Variants in POU2F1 observed in about 807,000 individuals in gnomAD.
POU2F1 encodes the protein POU class 2 homeobox 1, also known as POU domain, class 2, transcription factor 1.
A neutral mutation model predicts 84.9 loss-of-function variants in POU2F1; 16 were observed. The ratio of observed to expected loss-of-function variants is 0.19; its 90% CI spans 0.13 to 0.29. POU2F1 has a LOEUF of 0.29. Ranked by LOEUF, POU2F1 falls within the 10% of genes least tolerant of loss-of-function variation. The pLI is 1.00. For synonymous variants in POU2F1, 368 were observed against 368.3 expected (o/e 1.00, Z 0.01); for missense variants, 738 against 942.6 (o/e 0.78, Z 2.84).
At chr1:167,397,791 C>T (rs946576399) in intron 10 of POU2F1, among the ~76,000 whole-genome samples, 14 of 152,064 alleles carry the variant, frequency 9.2e-5, no homozygotes, top group African/African-American at 2.7e-4. Context: ...GTGATCCTCC[C>T]GCCTCAGCCT....
chr1:167,341,528 C>G (rs927500074), intron 2 of POU2F1, among the ~76,000 whole-genome samples: 1 of 152,086 alleles, frequency 6.6e-6, no homozygotes, highest in Non-Finnish European at 1.5e-5. Flanking sequence ...GCAGGACATG[C>G]GACAGGGAGT....
chr1:167,381,790 A>G (rs1344760954), intron 7 of POU2F1, among the ~76,000 whole-genome samples: 1 of 151,318 alleles, frequency 6.6e-6, no homozygotes, highest in East Asian at 2.0e-4. Flanking sequence ...TTGTATTTTT[A>G]GTAGAGATGG....
At chr1:167,358,151 G>A (rs112091337) in intron 2 of POU2F1, among the ~76,000 whole-genome samples, 6,791 of 115,136 alleles carry the variant, frequency 0.059, 620 homozygotes, top group African/African-American at 0.22. Flanking sequence ...TTTTTGAGAC[G>A]GTGTTTCGCT....
At chr1:167,399,389 C>A in intron 12 of POU2F1, 24 bp downstream of exon 12, 1 of 1,581,866 alleles carries the variant, frequency 6.3e-7, no homozygotes, top group Non-Finnish European at 8.6e-7. Context: ...ATAGGGAGTG[C>A]AAGCTCAAGG....
intron 6 of POU2F1, among the ~76,000 whole-genome samples, chr1:167,374,592 A>T (rs1245518738): frequency 6.6e-6 from 1 of 152,152 alleles, no homozygotes; most frequent in African/African-American, 2.4e-5. Context: ...TACTGTATTT[A>T]TTTTAATTAG....
At chr1:167,334,068 T>A (rs1244561309) in intron 2 of POU2F1, among the ~76,000 whole-genome samples, 1 of 151,356 alleles carries the variant, frequency 6.6e-6, no homozygotes, top group Non-Finnish European at 1.5e-5. Flanking sequence ...TACATCAGAC[T>A]ACATGGAAAT....
chr1:167,328,593 T>A (rs150907802), intron 1 of POU2F1, among the ~76,000 whole-genome samples: 12 of 152,292 alleles, frequency 7.9e-5, no homozygotes, highest in African/African-American at 2.6e-4. Flanking sequence ...AATTTGTACG[T>A]GTCATTTCAG....
intron 2 of POU2F1, among the ~76,000 whole-genome samples, chr1:167,359,488 C>T (rs1571365403): frequency 6.6e-6 from 1 of 152,318 alleles, no homozygotes; most frequent in Non-Finnish European, 1.5e-5. Flanking sequence ...TGGCCTCCAG[C>T]TGCATCCGTA....
rs182324167 is a variant in POU2F1, at chr1:167,405,643, G to C, written c.1555+4087G>C. Among the ~76,000 whole-genome samples the C allele has an allele frequency of 6.5e-3, 990 of 152,196 alleles. 5 individuals carry two copies. Among genetic ancestry groups the C allele is most frequent in the Middle Eastern group, 0.014 (4 of 294 alleles). ...GTTGAGGCTGCAATAAGCTGAGATT[G>C]TACCACTGAACTCCAGCTTGAGAAC... On this transcript the variant is annotated intron_variant, in intron 13 of 15. Coordinates refer to ENST00000367866, the MANE Select transcript of POU2F1 (RefSeq NM_002697.4).
At chr1:167,237,772 ATTTT>A (rs1216931950) in intron 1 of POU2F1, among the ~76,000 whole-genome samples, 52 of 29,878 alleles carry the variant, frequency 1.7e-3, no homozygotes, top group African/African-American at 7.9e-3. Flanking sequence ...ATATATATAT[ATTTT>A]TTTTTTTTTT....
chr1:167,407,173 G>A (rs1271232500), intron 13 of POU2F1, among the ~76,000 whole-genome samples: 4 of 151,998 alleles, frequency 2.6e-5, no homozygotes, highest in African/African-American at 9.7e-5. Context: ...TGGGACTATA[G>A]CCACATGCCA....
At chr1:167,234,984 A>G (rs1209714665) in intron 1 of POU2F1, among the ~76,000 whole-genome samples, 3 of 152,208 alleles carry the variant, frequency 2.0e-5, no homozygotes, top group Admixed American at 6.5e-5. Flanking sequence ...CTTTTTACCA[A>G]CCACTTCCTT....
intron 1 of POU2F1, among the ~76,000 whole-genome samples, chr1:167,288,258 ATAT>A (rs113373116): frequency 0.066 from 10,007 of 152,232 alleles, 1,044 homozygotes; most frequent in African/African-American, 0.23. Flanking sequence ...GCTAACAGAT[ATAT>A]TATTCACCAG....
intron 1 of POU2F1, among the ~76,000 whole-genome samples, chr1:167,225,250 A>C (rs185808911): frequency 3.3e-5 from 5 of 152,318 alleles, no homozygotes; most frequent in African/African-American, 1.2e-4. Context: ...TCTGCTTCCA[A>C]ACCATTACCG....
intron 13 of POU2F1, among the ~76,000 whole-genome samples, chr1:167,410,449 G>A (rs1356907881): frequency 6.6e-6 from 1 of 152,068 alleles, no homozygotes; most frequent in Non-Finnish European, 1.5e-5. Flanking sequence ...TTTGTAACAA[G>A]ATTGTTATGA....
intron 1 of POU2F1, among the ~76,000 whole-genome samples, chr1:167,321,070 G>A (rs1009953950): frequency 5.9e-5 from 9 of 152,190 alleles, no homozygotes; most frequent in African/African-American, 1.9e-4. Context: ...AATTTTGTCA[G>A]GAGCTATAAT....
chr1:167,353,326 T>C (rs923484568), intron 2 of POU2F1, among the ~76,000 whole-genome samples: 3 of 152,106 alleles, frequency 2.0e-5, no homozygotes, highest in African/African-American at 7.2e-5. Flanking sequence ...ACTTTACATT[T>C]TTCTGTTTTT....
intron 2 of POU2F1, among the ~76,000 whole-genome samples, chr1:167,347,577 TCAGTGGCA>T (rs1285387205): frequency 3.3e-5 from 5 of 152,196 alleles, no homozygotes; most frequent in African/African-American, 7.2e-5. Flanking sequence ...AATGAACAAT[TCAGTGGCA>T]TTTAGTGTAT....
At chr1:167,349,740 G>T (rs1658434176) in intron 2 of POU2F1, among the ~76,000 whole-genome samples, 1 of 152,110 alleles carries the variant, frequency 6.6e-6, no homozygotes. Context: ...CTTTTGCTAT[G>T]TGATATTCCT....
Sources: gnomAD v4.1 joint callset for allele counts (sites outside exome capture counted in the v4.1 genomes callset) on GRCh38, gnomAD v4.1.1 for gene constraint, MANE v1.5 for transcripts, NCBI Gene and HGNC (gene_info 2026-07-23, HGNC 2026-07-21) for gene names.